The following CTNNA2 variants were observed in gnomAD, a reference collection of about 807,000 sequenced individuals.
CTNNA2 encodes catenin alpha 2.
Under a neutral mutation model 101.0 loss-of-function variants are expected in CTNNA2, and 42 were observed. The observed-to-expected ratio is 0.42, with a 90% CI of 0.32 to 0.54. The LOEUF (loss-of-function observed/expected upper bound fraction) is 0.54. CTNNA2 is among the 20% of genes least tolerant of loss of function. The pLI, the probability that CTNNA2 is intolerant of heterozygous loss-of-function variation, is 0.14. For synonymous variants in CTNNA2, 450 were observed against 456.4 expected (o/e 0.99, Z 0.18); for missense variants, 871 against 1,223.1 (o/e 0.71, Z 4.29).
chr2:79,611,769 A>C (rs1678291325), intron 1 of CTNNA2, among the ~76,000 whole-genome samples: 1 of 152,180 alleles, frequency 6.6e-6, no homozygotes, highest in Non-Finnish European at 1.5e-5. Flanking sequence ...TGAGAAGCAT[A>C]AACCTTGATA....
At chr2:80,313,868 C>G (rs1677845504) in intron 7 of CTNNA2, among the ~76,000 whole-genome samples, 1 of 152,168 alleles carries the variant, frequency 6.6e-6, no homozygotes, top group African/African-American at 2.4e-5. Flanking sequence ...GGGCTATGTT[C>G]ACATTACAAA....
At chr2:80,031,956 G>A (rs941894633) in intron 7 of CTNNA2, among the ~76,000 whole-genome samples, 20 of 152,124 alleles carry the variant, frequency 1.3e-4, no homozygotes, top group Admixed American at 3.9e-4. Flanking sequence ...TTTAAATGTC[G>A]AAAATAATTC....
At chr2:79,344,718 A>G (rs942698985) in intron 3 of CTNNA2, among the ~76,000 whole-genome samples, 2 of 151,060 alleles carry the variant, frequency 1.3e-5, no homozygotes, top group Admixed American at 6.6e-5. Flanking sequence ...TGCTAGCACT[A>G]GGCTAGATAC....
chr2:79,219,728 C>A (rs930907497), intron 2 of CTNNA2, among the ~76,000 whole-genome samples: 1 of 152,130 alleles, frequency 6.6e-6, no homozygotes, highest in African/African-American at 2.4e-5. Flanking sequence ...TTAAAGATTG[C>A]AGTTGCTAAA....
intron 3 of CTNNA2, among the ~76,000 whole-genome samples, chr2:79,754,567 T>C (rs571975031): frequency 1.6e-4 from 25 of 152,248 alleles, no homozygotes; most frequent in Non-Finnish European, 2.2e-4. Context: ...TGCAGCACTT[T>C]CCGCAGGGGT....
intron 9 of CTNNA2, among the ~76,000 whole-genome samples, chr2:80,434,987 G>T (rs1681906043): frequency 6.6e-6 from 1 of 152,080 alleles, no homozygotes; most frequent in African/African-American, 2.4e-5. Context: ...GTGTATCAGG[G>T]TTTCTCAACC....
chr2:80,480,749 C>G (rs1030324393), intron 9 of CTNNA2, among the ~76,000 whole-genome samples: 8 of 152,210 alleles, frequency 5.3e-5, no homozygotes, highest in African/African-American at 1.9e-4. Flanking sequence ...TATCACATGA[C>G]AGCAAGCCAT....
intron 4 of CTNNA2, among the ~76,000 whole-genome samples, chr2:79,476,599 T>C (rs1362404119): frequency 6.6e-6 from 1 of 152,218 alleles, no homozygotes; most frequent in African/African-American, 2.4e-5. Flanking sequence ...GAGAAACACA[T>C]GCTATGCACA....
At chr2:79,196,325 T>A (rs535236900) in intron 1 of CTNNA2, among the ~76,000 whole-genome samples, 1 of 152,288 alleles carries the variant, frequency 6.6e-6, no homozygotes, top group South Asian at 2.1e-4. Flanking sequence ...AATATTCTCC[T>A]GCCAAGTAGT....
chr2:80,012,171 G>A (rs973595952), intron 7 of CTNNA2, among the ~76,000 whole-genome samples: 8 of 152,030 alleles, frequency 5.3e-5, no homozygotes, highest in Non-Finnish European at 8.8e-5. Context: ...TGCCTACGAC[G>A]GTGCCAAGCA....
chr2:79,207,579 A>C (rs1394131323), intron 2 of CTNNA2, among the ~76,000 whole-genome samples: 1 of 152,194 alleles, frequency 6.6e-6, no homozygotes, highest in African/African-American at 2.4e-5. Context: ...ATCGAATGAC[A>C]CAAAAGGCAG....
chr2:79,936,921 CTAAG>C (rs1481020325), intron 7 of CTNNA2, among the ~76,000 whole-genome samples: 2 of 152,078 alleles, frequency 1.3e-5, no homozygotes, highest in East Asian at 3.9e-4. Context: ...GTTACATGAC[CTAAG>C]TAAGCCGCGA....
At chr2:79,448,374 ATAT>A (rs1229399199) in intron 4 of CTNNA2, among the ~76,000 whole-genome samples, 1 of 152,072 alleles carries the variant, frequency 6.6e-6, no homozygotes, top group South Asian at 2.1e-4. Context: ...AATAAGCCAC[ATAT>A]TATGTATGCA....
intron 7 of CTNNA2, among the ~76,000 whole-genome samples, chr2:79,988,611 C>T (rs1334206634): frequency 6.6e-6 from 1 of 152,076 alleles, no homozygotes; most frequent in Non-Finnish European, 1.5e-5. Flanking sequence ...TGGATACTTG[C>T]AAGAGCTTAT....
At chr2:79,224,974 T>C (rs1674389978) in intron 2 of CTNNA2, among the ~76,000 whole-genome samples, 1 of 152,014 alleles carries the variant, frequency 6.6e-6, no homozygotes, top group Non-Finnish European at 1.5e-5. Context: ...TTCTTATTGT[T>C]GGATAATATG....
rs1002709342 is a variant in CTNNA2, at chr2:79,317,354, G to T, written c.-318+4558G>T. ...TGCATCATCATTCATAACAGGTAGT[G>T]GTCCATAGTTTTATTTTCTTGTAAT... On this transcript the variant is annotated intron_variant, in intron 3 of 21. Transcript: ENST00000466387. 2.0e-5 allele frequency among the ~76,000 whole-genome samples: 3 copies of T among 151,968 alleles called. No individual in the cohort carries two copies. In the East Asian group the frequency reaches 5.8e-4, roughly 29 times the overall value.
intron 7 of CTNNA2, among the ~76,000 whole-genome samples, chr2:80,128,953 T>G (rs958358596): frequency 6.6e-6 from 1 of 152,208 alleles, no homozygotes; most frequent in Non-Finnish European, 1.5e-5. Context: ...TCTTCTGTAA[T>G]GCAATCCATG....
intron 2 of CTNNA2, among the ~76,000 whole-genome samples, chr2:79,704,510 C>CTTTT (rs780311540): frequency 1.9e-4 from 24 of 127,562 alleles, no homozygotes; most frequent in African/African-American, 2.9e-4. Flanking sequence ...ACTTGTGCTT[C>CTTTT]TTTTTTTTTT....
chr2:80,496,921 GT>G (rs1687521170), intron 9 of CTNNA2, among the ~76,000 whole-genome samples: 1 of 152,076 alleles, frequency 6.6e-6, no homozygotes, highest in Non-Finnish European at 1.5e-5. Context: ...AATCCCCCAT[GT>G]TTATGACTCA....
Sources: allele counts gnomAD v4.1 joint callset (sites outside exome capture counted in the v4.1 genomes callset), GRCh38; gene constraint gnomAD v4.1.1; transcripts MANE v1.5; gene names NCBI Gene and HGNC (gene_info 2026-07-23, HGNC 2026-07-21).